Variants in ATG7 observed in about 807,000 individuals in gnomAD.
ATG7 encodes the protein autophagy related 7.
ATG7 carries 70 observed loss-of-function variants against 82.4 expected under a neutral mutation model. That is an observed-to-expected ratio of 0.85 (90% CI 0.70 to 1.04). ATG7 has a LOEUF of 1.04. ATG7 is among the 50% of genes least tolerant of loss of function. The pLI, the probability that ATG7 is intolerant of heterozygous loss-of-function variation, is 0.00. For synonymous variants in ATG7, 287 were observed against 313.0 expected, an observed-to-expected ratio of 0.92 and a Z score of 0.88; for missense variants, 792 against 864.3, an observed-to-expected ratio of 0.92 and a Z score of 1.05.
At chr3:11,573,823 C>T in the ATG7 span, among the ~76,000 whole-genome samples, 3 of 152,180 alleles carry the variant, frequency 2.0e-5, no homozygotes, top group Non-Finnish European at 4.4e-5. Flanking sequence ...CCTAGGTTCT[C>T]TGAATGTGAG....
intron 3 of ATG7, among the ~76,000 whole-genome samples, chr3:11,290,185 G>A (rs1179581552): frequency 6.6e-6 from 1 of 152,154 alleles, no homozygotes; most frequent in Non-Finnish European, 1.5e-5. Context: ...GAACAAGTAG[G>A]TCATAAGCAA....
intron 20 of ATG7, among the ~76,000 whole-genome samples, chr3:11,554,359 C>T (rs2072167519): frequency 6.6e-6 from 1 of 152,136 alleles, no homozygotes; most frequent in South Asian, 2.1e-4. Flanking sequence ...GAACATGGAG[C>T]AGGTGCCCAG....
chr3:11,278,280 A>G, intron 1 of ATG7, among the ~76,000 whole-genome samples: 1 of 152,238 alleles, frequency 6.6e-6, no homozygotes, highest in East Asian at 1.9e-4. Context: ...AATTTTTGGA[A>G]CTGATAAATG....
At chr3:11,298,645 G>A in intron 3 of ATG7, 41 bp from the exon 4 acceptor site, 2 of 1,566,976 alleles carry the variant, frequency 1.3e-6, no homozygotes, top group Non-Finnish European at 1.7e-6. Flanking sequence ...GGTTTTGCAT[G>A]GATATGTTAT....
At chr3:11,450,776 G>A (rs1198605027) in intron 20 of ATG7, among the ~76,000 whole-genome samples, 1 of 152,184 alleles carries the variant, frequency 6.6e-6, no homozygotes, top group Non-Finnish European at 1.5e-5. Context: ...GAGTGATATA[G>A]GTTCTAGCTT....
At chr3:11,400,994 T>G (rs2079784416) in intron 19 of ATG7, among the ~76,000 whole-genome samples, 1 of 152,214 alleles carries the variant, frequency 6.6e-6, no homozygotes, top group African/African-American at 2.4e-5. Context: ...AGATGGACTT[T>G]AAAAATGTGC....
downstream of ATG7, chr3:11,558,745 G>T (rs767408824): frequency 6.2e-7 from 1 of 1,614,202 alleles, no homozygotes. Context: ...ACACGGAGTT[G>T]GGTGCCGGCT....
At chr3:11,536,265 A>G (rs1041600239) in intron 20 of ATG7, among the ~76,000 whole-genome samples, 1 of 152,228 alleles carries the variant, frequency 6.6e-6, no homozygotes, top group African/African-American at 2.4e-5. Context: ...TAAGAACTGC[A>G]GTTACTGAAT....
At chr3:11,488,651 C>T (rs954597733) in intron 20 of ATG7, among the ~76,000 whole-genome samples, 3 of 152,162 alleles carry the variant, frequency 2.0e-5, no homozygotes, top group East Asian at 1.9e-4. Context: ...GCGCCGTGAC[C>T]TCCTCTCAAG....
intron 20 of ATG7, among the ~76,000 whole-genome samples, chr3:11,501,653 G>A (rs180702761): frequency 6.6e-6 from 1 of 152,236 alleles, no homozygotes; most frequent in East Asian, 1.9e-4. Flanking sequence ...GGGAATATAT[G>A]CTGATATATT....
chr3:11,538,692 AAAAAAAAAAAAAAAT>A (rs2070544987), intron 20 of ATG7, among the ~76,000 whole-genome samples: 1 of 141,564 alleles, frequency 7.1e-6, no homozygotes, highest in African/African-American at 2.7e-5. Flanking sequence ...AAAAAAAAAA[AAAAAAAAAAAAAAAT>A]TAGCCAAAAA....
intron 20 of ATG7, among the ~76,000 whole-genome samples, chr3:11,487,473 CA>C: frequency 1.4e-5 from 1 of 70,980 alleles, no homozygotes; most frequent in African/African-American, 5.6e-5. Context: ...GCTGACCCCC[CA>C]ACCTCCCTCC....
intron 20 of ATG7, among the ~76,000 whole-genome samples, chr3:11,482,753 A>C (rs2089154598): frequency 6.6e-6 from 1 of 151,948 alleles, no homozygotes; most frequent in African/African-American, 2.4e-5. Context: ...CCAGGCTACT[A>C]ATCCAGTGCT....
rs55999171 is a variant in ATG7 at position 11,465,088 on chromosome 3, A to AGTGTGTGTGT, written c.2079+38179_2079+38188dup. The stretch of plus-strand genomic sequence containing the variant: ...ATCAAATCAATCTCTAAAAACCTAA[A>AGTGTGTGTGT]GTGTGTGTGTGTGTGTGTGTGTGTG... On this transcript the variant is annotated intron_variant, in intron 20 of 20. Coordinates refer to ENST00000693202, the MANE Select transcript of ATG7 (RefSeq NM_001349232.2). 2.7e-5 allele frequency among the ~76,000 whole-genome samples: 4 copies of AGTGTGTGTGT among 147,328 alleles called. No individual in the cohort carries two copies. In the Admixed American group the frequency reaches 2.7e-4, roughly 10 times the overall value.
At chr3:11,349,544 A>T (rs1207262778) in intron 14 of ATG7, among the ~76,000 whole-genome samples, 5 of 151,966 alleles carry the variant, frequency 3.3e-5, no homozygotes, top group Non-Finnish European at 7.4e-5. Flanking sequence ...CTGTCTATAT[A>T]ATAATAATAA....
At chr3:11,533,044 T>G (rs1281614588) in intron 20 of ATG7, among the ~76,000 whole-genome samples, 1 of 152,154 alleles carries the variant, frequency 6.6e-6, no homozygotes, top group Non-Finnish European at 1.5e-5. Flanking sequence ...TGAGCGGGAA[T>G]GACTGGAGGA....
intron 20 of ATG7, among the ~76,000 whole-genome samples, chr3:11,468,593 G>C (rs1006097247): frequency 2.0e-5 from 3 of 152,172 alleles, no homozygotes; most frequent in Non-Finnish European, 4.4e-5. Flanking sequence ...AGAGAGGGAC[G>C]TTCATGCTAT....
Position 11,386,858 on chromosome 3 carries a change from T to C in ATG7, c.1956+6806T>C, listed in dbSNP as rs569862894. On this transcript the variant is annotated intron_variant, in intron 19 of 20. Coordinates refer to ENST00000693202, the MANE Select transcript of ATG7 (RefSeq NM_001349232.2). Reference sequence around the variant, plus strand: ...GAACTGCTTGGTTCCCAAAAGGAGATGGAATATACAGCCAGAGCTGGTGAG... The same window carrying C: ...GAACTGCTTGGTTCCCAAAAGGAGACGGAATATACAGCCAGAGCTGGTGAG... 3.3e-5 allele frequency among the ~76,000 whole-genome samples: 5 copies of C among 152,340 alleles called. No individual in the cohort carries two copies. The South Asian group carries it at 1.0e-3, about 32-fold the overall frequency.
At chr3:11,507,006 C>T (rs983587612) in intron 20 of ATG7, among the ~76,000 whole-genome samples, 5 of 151,570 alleles carry the variant, frequency 3.3e-5, no homozygotes, top group Admixed American at 1.3e-4. Context: ...TCAGGCTGGG[C>T]GCAGTGGCTC....
Sources: allele counts gnomAD v4.1 joint callset (sites outside exome capture counted in the v4.1 genomes callset), GRCh38; gene constraint gnomAD v4.1.1; transcripts MANE v1.5; gene names NCBI Gene and HGNC (gene_info 2026-07-23, HGNC 2026-07-21).